The following LRFN2 variants were observed in gnomAD, a reference collection of about 807,000 sequenced individuals.
LRFN2 encodes the protein leucine-rich repeat and fibronectin type-III domain-containing protein 2.
In LRFN2, 18 loss-of-function variants were observed where a neutral mutation model predicts 37.3. The observed-to-expected ratio is 0.48, with a 90% CI of 0.33 to 0.72. The LOEUF (loss-of-function observed/expected upper bound fraction) is 0.72. Among genes scored for constraint, LRFN2 ranks in the 30% least tolerant of loss-of-function variants. The pLI, the probability that LRFN2 is intolerant of heterozygous loss-of-function variation, is 0.02. For synonymous variants in LRFN2, 556 were observed against 466.6 expected (o/e 1.19, Z -2.47); for missense variants, 1,006 against 1,060.7 (o/e 0.95, Z 0.72).
chr6:40,407,535 C>T (rs1177837031), intron 2 of LRFN2, among the ~76,000 whole-genome samples: 6 of 152,214 alleles, frequency 3.9e-5, no homozygotes, highest in Non-Finnish European at 7.3e-5. Flanking sequence ...ACCACAATGG[C>T]GATGACTACA....
chr6:40,432,067 G>A lies in LRFN2; in HGVS notation c.1047C>T (p.Thr349=), dbSNP rs752265187. 9 of 1,614,070 alleles carry A rather than the reference G, an allele frequency of 5.6e-6. No individual in the cohort carries two copies. The highest frequency in any genetic ancestry group is 5.9e-6 in the Non-Finnish European group (7 of 1,180,030). ...YDNGTLDIFI[T]TSQDSGAFTC... ...TGAAGGCACCACTGTCCTGAGATGT[G>A]GTGATGAAGATGTCCAGGGTGCCAT... The change falls in exon 2 of 3, where the codon ACC becomes ACT. Residue 349 remains threonine, a synonymous_variant. Coordinates refer to ENST00000338305, the MANE Select transcript of LRFN2 (RefSeq NM_020737.3).
chr6:40,486,608 G>A (rs1299559094), intron 1 of LRFN2, among the ~76,000 whole-genome samples: 1 of 152,146 alleles, frequency 6.6e-6, no homozygotes, highest in African/African-American at 2.4e-5. Flanking sequence ...CAACAGAAGT[G>A]TCCCATGGTT....
chr6:40,405,374 G>A (rs999827380), intron 2 of LRFN2, among the ~76,000 whole-genome samples: 1 of 152,140 alleles, frequency 6.6e-6, no homozygotes, highest in Non-Finnish European at 1.5e-5. Context: ...TAATCTCTCT[G>A]TGTTTGCTTC....
At chr6:40,471,434 C>T (rs1426009837) in intron 1 of LRFN2, among the ~76,000 whole-genome samples, 1 of 152,172 alleles carries the variant, frequency 6.6e-6, no homozygotes, top group Admixed American at 6.5e-5. Context: ...CAAAGTGTCA[C>T]ACCGACTGCT....
At chr6:40,444,225 T>C (rs1022803893) in intron 1 of LRFN2, among the ~76,000 whole-genome samples, 2 of 152,070 alleles carry the variant, frequency 1.3e-5, no homozygotes, top group Non-Finnish European at 2.9e-5. Context: ...AATGAGTTAT[T>C]GGATAATTAA....
At chr6:40,442,344 A>G (rs1763857205) in intron 1 of LRFN2, among the ~76,000 whole-genome samples, 1 of 152,160 alleles carries the variant, frequency 6.6e-6, no homozygotes, top group Non-Finnish European at 1.5e-5. Context: ...TTCTTTTTCA[A>G]CCTACACAGG....
At chr6:40,434,607 G>A (rs1763599085) in intron 1 of LRFN2, among the ~76,000 whole-genome samples, 1 of 151,384 alleles carries the variant, frequency 6.6e-6, no homozygotes, top group African/African-American at 2.4e-5. Flanking sequence ...CTCCCAAATA[G>A]CTGGGACTAC....
intron 1 of LRFN2, among the ~76,000 whole-genome samples, chr6:40,496,520 C>G (rs1296467632): frequency 5.3e-5 from 8 of 151,974 alleles, no homozygotes; most frequent in African/African-American, 1.7e-4. Flanking sequence ...TCATTCCAGT[C>G]TTAGAATCTT....
At chr6:40,477,572 C>T (rs369635526) in intron 1 of LRFN2, among the ~76,000 whole-genome samples, 5 of 152,184 alleles carry the variant, frequency 3.3e-5, no homozygotes, top group Admixed American at 1.3e-4. Context: ...TCCAGAATGG[C>T]GCTGAGTGCA....
chr6:40,455,454 C>A (rs934596069), intron 1 of LRFN2, among the ~76,000 whole-genome samples: 4 of 152,204 alleles, frequency 2.6e-5, no homozygotes, highest in Non-Finnish European at 5.9e-5. Flanking sequence ...CAAGAGCAGA[C>A]CCTTAAGGGG....
chr6:40,476,356 T>G (rs1359285506), intron 1 of LRFN2, among the ~76,000 whole-genome samples: 1 of 152,194 alleles, frequency 6.6e-6, no homozygotes, highest in Non-Finnish European at 1.5e-5. Context: ...CACTAGAAAT[T>G]CTCTTTGTAT....
Position 40,499,858 on chromosome 6 carries a change from T to C in LRFN2, c.-18-66727A>G, listed in dbSNP as rs1164467182. Among the ~76,000 whole-genome samples, 3 of 152,246 alleles carry C rather than the reference T, an allele frequency of 2.0e-5. No homozygotes were observed. In the East Asian group the frequency reaches 5.8e-4, roughly 29 times the overall value. On this transcript the variant is annotated intron_variant, in intron 1 of 2. Transcript: ENST00000338305. ...GCCTTCTACTGTGAGAGCAAGGTTT[T>C]TGAAAACCTTTCTGTGCCTCAGTTT...
chr6:40,547,073 T>C (rs1483965609), intron 1 of LRFN2, among the ~76,000 whole-genome samples: 2 of 151,970 alleles, frequency 1.3e-5, no homozygotes, highest in East Asian at 3.9e-4. Flanking sequence ...AGAGTATATT[T>C]CTGTTGTAAA....
intron 1 of LRFN2, 96 bp from the exon 2 acceptor site, chr6:40,433,227 G>C: frequency 3.9e-6 from 4 of 1,038,202 alleles, no homozygotes; most frequent in Non-Finnish European, 4.1e-6. Context: ...CTGCCTTAGG[G>C]AGTGGCATAG....
chr6:40,440,294 G>A (rs1221433875), intron 1 of LRFN2, among the ~76,000 whole-genome samples: 3 of 152,138 alleles, frequency 2.0e-5, no homozygotes, highest in African/African-American at 2.4e-5. Context: ...TTATGCCTCC[G>A]TATTAGCACG....
chr6:40,400,908 T>C (rs1272022031), intron 2 of LRFN2, among the ~76,000 whole-genome samples: 1 of 151,664 alleles, frequency 6.6e-6, no homozygotes, highest in Admixed American at 6.6e-5. Context: ...TGCCAGAGTG[T>C]AGGTGTTTAC....
chr6:40,493,538 G>C (rs1765145544), intron 1 of LRFN2, among the ~76,000 whole-genome samples: 1 of 152,166 alleles, frequency 6.6e-6, no homozygotes, highest in African/African-American at 2.4e-5. Flanking sequence ...TACAGAGTCT[G>C]TCTAGCACCC....
Position 40,432,175 on chromosome 6 carries a change from A to G in LRFN2, c.939T>C (p.Ile313=), listed in dbSNP as rs1384847216. 1 of 1,613,712 alleles carries G rather than the reference A, an allele frequency of 6.2e-7. No individual in the cohort carries two copies. Among genetic ancestry groups the G allele is most frequent in the Admixed American group, 1.7e-5 (1 of 60,004 alleles). The change falls in exon 2 of 3, where the codon ATT becomes ATC. Residue 313 remains isoleucine (I), a synonymous_variant. Coordinates refer to ENST00000338305, the MANE Select transcript of LRFN2 (RefSeq NM_020737.3). ...AGTGGATAAGGGGGCTGGGGTCCCC[A>G]ATGGCTTTGCACTTGAGTGTGGCCG... ...GQAATLKCKA[I]GDPSPLIHWV...
At chr6:40,393,697 C>T (rs1274021849) in intron 2 of LRFN2, among the ~76,000 whole-genome samples, 1 of 152,174 alleles carries the variant, frequency 6.6e-6, no homozygotes, top group Non-Finnish European at 1.5e-5. Context: ...TGCCAGCCCA[C>T]CCCGAGGCTT....
Sources: gnomAD v4.1 joint callset for allele counts (sites outside exome capture counted in the v4.1 genomes callset) on GRCh38, gnomAD v4.1.1 for gene constraint, MANE v1.5 for transcripts, NCBI Gene and HGNC (gene_info 2026-07-23, HGNC 2026-07-21) for gene names.